Variants in CTNND1 observed in about 807,000 individuals in gnomAD.
The protein encoded by CTNND1 is catenin delta-1.
In CTNND1, 16 loss-of-function variants were observed where a neutral mutation model predicts 112.1. That is an observed-to-expected ratio of 0.14 (90% CI 0.10 to 0.22). The LOEUF (loss-of-function observed/expected upper bound fraction) is 0.22, where lower values mean the gene tolerates loss of function less well. Among genes scored for constraint, CTNND1 ranks in the 10% least tolerant of loss-of-function variants. The probability of loss-of-function intolerance (pLI) is 1.00; values close to 1 mark genes in which losing one functional copy is unlikely to be tolerated. For missense variants in CTNND1, 1,008 were observed against 1,257.0 expected, an observed-to-expected ratio of 0.80 and a Z score of 3.00; for synonymous variants, 420 against 446.5, an observed-to-expected ratio of 0.94 and a Z score of 0.75.
intron 6 of CTNND1, among the ~76,000 whole-genome samples, chr11:57,799,010 C>T (rs1029593640): frequency 3.3e-5 from 5 of 152,188 alleles, no homozygotes; most frequent in Non-Finnish European, 5.9e-5. Context: ...CTGAATTTCT[C>T]TATATGGGGT....
In CTNND1 at chr11:57,789,147, T is replaced by C. The variant is rs1200646671; in HGVS notation, c.-103T>C. The C allele has an allele frequency of 3.9e-6, 6 of 1,522,360 alleles. No homozygotes were observed. Among genetic ancestry groups the C allele is most frequent in the Non-Finnish European group, 5.3e-6 (6 of 1,137,732 alleles). 94.3% of individuals were successfully genotyped at this position (1,522,360 alleles called of 1,614,324 possible). On this transcript the variant is annotated 5_prime_UTR_variant, in exon 2 of 21. Transcript: ENST00000399050. ...GTTAAACCAATCAGTTGCGACCTTCTCTTAACAGGTGTGTATGGAAATATG... is the reference window on the plus strand; with the variant it reads ...GTTAAACCAATCAGTTGCGACCTTCCCTTAACAGGTGTGTATGGAAATATG...
chr11:57,801,766 A>G lies in CTNND1; in HGVS notation c.990A>G (p.Pro330=), dbSNP rs1273399732. The G allele has an allele frequency of 2.5e-6, 4 of 1,613,568 alleles. No individual in the cohort carries two copies. Among genetic ancestry groups the G allele is most frequent in the Non-Finnish European group, 3.4e-6 (4 of 1,179,628 alleles). ...AAGACATGATTGGTGAGGAGGTGCC[A>G]TCGGATCAATACTACTGGGCTCCTT... is the stretch of plus-strand genomic sequence containing the variant. ...SYEDMIGEEV[P]SDQYYWAPLA... Residue 330 remains proline (P), a synonymous_variant, in exon 7 of 21, where the codon CCA becomes CCG. Transcript: ENST00000399050.
intron 17 of CTNND1, among the ~76,000 whole-genome samples, chr11:57,812,862 A>C (rs1010661637): frequency 6.6e-5 from 10 of 152,208 alleles, no homozygotes; most frequent in Admixed American, 3.3e-4. Context: ...TGTGGTAGAC[A>C]AAGGGATTAT....
chr11:57,809,583 C>G, intron 15 of CTNND1, 117 bp downstream of exon 15: 4 of 817,602 alleles, frequency 4.9e-6, no homozygotes, highest in Non-Finnish European at 7.7e-6. Context: ...GTGTGAAGAG[C>G]TATTGCTCTA....
In CTNND1 at chr11:57,801,844, A is replaced by C; in HGVS notation, c.1068A>C (p.Gly356=). The C allele has an allele frequency of 6.2e-7, 1 of 1,614,030 alleles. No homozygotes were observed. The highest frequency in any genetic ancestry group is 1.6e-4 in the Middle Eastern group (1 of 6,062). ...SLASLDSLRK[G]GPPPPNWRQP... Reference sequence around the variant, plus strand: ...CAAGCTTGGATAGCCTGCGCAAAGGAGGGCCTCCACCTCCTAATTGGAGAC... The same window carrying C: ...CAAGCTTGGATAGCCTGCGCAAAGGCGGGCCTCCACCTCCTAATTGGAGAC... The change falls in exon 7 of 21, where the codon GGA becomes GGC. Residue 356 remains glycine (G), a synonymous_variant. Transcript: ENST00000399050.
chr11:57,785,241 T>C (rs1181442730), intron 1 of CTNND1, among the ~76,000 whole-genome samples: 1 of 152,194 alleles, frequency 6.6e-6, no homozygotes, highest in Non-Finnish European at 1.5e-5. Context: ...GTAACAATAT[T>C]ACTGGCTTTC....
chr11:57,769,590 GTC>G (rs1470996732), intron 1 of CTNND1, among the ~76,000 whole-genome samples: 1 of 151,488 alleles, frequency 6.6e-6, no homozygotes. Context: ...GTCTTCCTTT[GTC>G]TCTCTTTGCC....
rs551621040 is a variant in CTNND1, at chr11:57,775,882, C to A, written c.-213-13155C>A. On this transcript the variant is annotated intron_variant, in intron 1 of 20. Transcript: ENST00000399050. The stretch of plus-strand genomic sequence containing the variant: ...GTTTCCTTGTTCTTATATGGGAGCC[C>A]TGTACTAGGTTTGAGTTTAGTCTGG... Among the ~76,000 whole-genome samples, 3 of 152,274 alleles carry A rather than the reference C, an allele frequency of 2.0e-5. No homozygotes were observed. In the East Asian group the frequency reaches 5.8e-4, roughly 29 times the overall value.
intron 6 of CTNND1, among the ~76,000 whole-genome samples, chr11:57,799,057 T>G (rs1164654815): frequency 4.6e-5 from 7 of 152,204 alleles, no homozygotes; most frequent in Non-Finnish European, 1.0e-4. Context: ...GTGCTCATTT[T>G]CCTCATATAT....
At chr11:57,802,598 T>C (rs901435360) in intron 7 of CTNND1, among the ~76,000 whole-genome samples, 3 of 152,236 alleles carry the variant, frequency 2.0e-5, no homozygotes, top group Non-Finnish European at 4.4e-5. Context: ...AACATGGAGC[T>C]GTCAACTGCT....
intron 17 of CTNND1, chr11:57,813,945 T>G (rs1209156482): frequency 6.0e-6 from 1 of 166,304 alleles, no homozygotes; most frequent in Non-Finnish European, 1.3e-5. Context: ...TCCTTATAAT[T>G]TTTAAGACTG....
At chr11:57,811,634 A>G in intron 17 of CTNND1, 148 bp downstream of exon 17, 1 of 600,288 alleles carries the variant, frequency 1.7e-6, no homozygotes, top group Admixed American at 3.1e-5. Context: ...CTAACGCAGA[A>G]ATGGGTAGGT....
chr11:57,789,630 C>G (rs1331464762), intron 2 of CTNND1, among the ~76,000 whole-genome samples: 2 of 152,080 alleles, frequency 1.3e-5, no homozygotes, highest in Admixed American at 6.5e-5. Context: ...TTGTGTTGGG[C>G]CATACATAAT....
At chr11:57,779,382 CTT>C (rs1025988562) in intron 1 of CTNND1, among the ~76,000 whole-genome samples, 1 of 152,220 alleles carries the variant, frequency 6.6e-6, no homozygotes, top group African/African-American at 2.4e-5. Flanking sequence ...TTTCTGCCCT[CTT>C]TTCTCTCTTG....
At chr11:57,783,252 T>A (rs767782620) in intron 1 of CTNND1, among the ~76,000 whole-genome samples, 6 of 146,998 alleles carry the variant, frequency 4.1e-5, no homozygotes, top group African/African-American at 7.6e-5. Context: ...CGGCATTGCA[T>A]CTGGGCGACA....
chr11:57,815,303 C>T, intron 18 of CTNND1, 91 bp from the exon 19 acceptor site: 1 of 719,618 alleles, frequency 1.4e-6, no homozygotes, highest in African/African-American at 1.8e-5. Context: ...CAGTTCCCAA[C>T]AGTGATGCCT....
chr11:57,774,381 A>C (rs1410757923), intron 1 of CTNND1, among the ~76,000 whole-genome samples: 1 of 152,236 alleles, frequency 6.6e-6, no homozygotes, highest in African/African-American at 2.4e-5. Context: ...GTACAGAGGG[A>C]TATCCTACAA....
intron 1 of CTNND1, among the ~76,000 whole-genome samples, chr11:57,770,650 T>A (rs1188995724): frequency 2.7e-5 from 4 of 150,660 alleles, no homozygotes; most frequent in African/African-American, 9.8e-5. Context: ...AGACTCCATC[T>A]CAAAAAAAAT....
At chr11:57,811,573 C>A in intron 17 of CTNND1, 87 bp downstream of exon 17, 1 of 853,224 alleles carries the variant, frequency 1.2e-6, no homozygotes, top group Non-Finnish European at 1.9e-6. Context: ...TATATTATTT[C>A]TGAATTAGCT....
Sources: allele counts gnomAD v4.1 joint callset (sites outside exome capture counted in the v4.1 genomes callset), GRCh38; gene constraint gnomAD v4.1.1; transcripts MANE v1.5; gene names NCBI Gene and HGNC (gene_info 2026-07-23, HGNC 2026-07-21).